Variants in SHROOM3 observed in about 807,000 individuals in gnomAD.
The protein encoded by SHROOM3 is protein Shroom3.
In SHROOM3, 47 loss-of-function variants were observed where a neutral mutation model predicts 138.6. The observed-to-expected ratio is 0.34, with a 90% CI of 0.27 to 0.43. The LOEUF is 0.43. SHROOM3 is among the 20% of genes least tolerant of loss of function. The pLI is 1.00. For missense variants in SHROOM3, 2,491 were observed against 2,596.5 expected (o/e 0.96, Z 0.88); for synonymous variants, 1,062 against 1,063.3 (o/e 1.00, Z 0.02).
intron 10 of SHROOM3, among the ~76,000 whole-genome samples, chr4:76,775,677 ATGTG>A (rs373446401): frequency 4.7e-4 from 70 of 148,750 alleles, no homozygotes; most frequent in South Asian, 8.6e-4. Context: ...AATAAAGAAA[ATGTG>A]TGTGTGTGTA....
intron 1 of SHROOM3, among the ~76,000 whole-genome samples, chr4:76,452,792 A>G (rs891997586): frequency 1.3e-5 from 2 of 152,182 alleles, no homozygotes; most frequent in African/African-American, 4.8e-5. Context: ...ATCTCAGCTC[A>G]CTGCAACCTC....
intron 2 of SHROOM3, among the ~76,000 whole-genome samples, chr4:76,670,539 T>C (rs1303625414): frequency 1.3e-5 from 2 of 152,198 alleles, no homozygotes; most frequent in African/African-American, 4.8e-5. Flanking sequence ...CTAAAAATCA[T>C]TGAATTGTAT....
rs1166645790 is a variant in SHROOM3 at position 76,739,302 on chromosome 4, C to T, written c.1129C>T (p.Pro377Ser). The change falls in exon 5 of 11, where the codon CCT becomes TCT. Residue 377 changes from proline (P) to serine (S), a missense_variant. Transcript: ENST00000296043. ...SSLETATDNL[P>S]PKVGAPLPPA... is the part of the protein sequence containing the mutation. The stretch of plus-strand genomic sequence containing the variant: ...CTTGGAGACTGCCACGGACAACCTT[C>T]CTCCTAAGGTGGGTGCACCCCTGCC... The T allele has an allele frequency of 6.2e-7, 1 of 1,614,014 alleles. No individual in the cohort carries two copies. The highest frequency in any genetic ancestry group is 1.1e-5 in the South Asian group (1 of 91,068).
At chr4:76,695,741 G>A (rs1027108999) in intron 2 of SHROOM3, among the ~76,000 whole-genome samples, 1 of 152,166 alleles carries the variant, frequency 6.6e-6, no homozygotes, top group Non-Finnish European at 1.5e-5. Flanking sequence ...AAAGTCCTGA[G>A]TGTCGTGGAA....
intron 1 of SHROOM3, among the ~76,000 whole-genome samples, chr4:76,528,431 G>A (rs981690399): frequency 4.1e-5 from 6 of 147,298 alleles, no homozygotes; most frequent in Non-Finnish European, 7.4e-5. Flanking sequence ...AAATCATCCT[G>A]CCTCAGCTTC....
At chr4:76,531,311 C>T (rs988600745) in intron 1 of SHROOM3, among the ~76,000 whole-genome samples, 15 of 152,244 alleles carry the variant, frequency 9.9e-5, no homozygotes, top group South Asian at 6.2e-4. Flanking sequence ...TGGAGCTGTG[C>T]GTGAGAATTT....
At chr4:76,730,779 G>A in intron 3 of SHROOM3, 25 bp from the exon 4 acceptor site, 1 of 1,613,586 alleles carries the variant, frequency 6.2e-7, no homozygotes, top group Non-Finnish European at 8.5e-7. Context: ...GCTAATGTTG[G>A]GGGGTCCCTC....
At position 76,775,941 on chromosome 4, in the gene SHROOM3, T is replaced by C. The variant is rs376282075; in HGVS notation, c.5623-2868T>C. 2.2e-4 allele frequency among the ~76,000 whole-genome samples: 34 copies of C among 151,938 alleles called. No homozygotes were observed. The East Asian group carries it at 6.2e-3, about 28-fold the overall frequency. ...CAAATTGTGCTGCTATAAACATGGG[T>C]GTGCAAGTTTCTTTTCCATATAATT... On this transcript the variant is annotated intron_variant, in intron 10 of 10. Transcript: ENST00000296043.
intron 2 of SHROOM3, among the ~76,000 whole-genome samples, chr4:76,629,137 C>T (rs560594334): frequency 1.2e-4 from 18 of 152,276 alleles, no homozygotes; most frequent in East Asian, 3.9e-4. Flanking sequence ...TGAACCACCA[C>T]GCCCAGCTGG....
In SHROOM3 at chr4:76,506,503, T is replaced by G. The variant is rs1189950261; in HGVS notation, c.169-49106T>G. 2.0e-5 allele frequency among the ~76,000 whole-genome samples: 3 copies of G among 152,302 alleles called. No individual in the cohort carries two copies. The East Asian group carries it at 5.8e-4, about 29-fold the overall frequency. ...TTTGGTGTCTGTGGATGAGGGGGCC[T>G]GGAACCAATCCCTCACAGATACTGC... On this transcript the variant is annotated intron_variant, in intron 1 of 10. Coordinates refer to ENST00000296043, the MANE Select transcript of SHROOM3 (RefSeq NM_020859.4).
chr4:76,511,020 A>C (rs1732323563), intron 1 of SHROOM3, among the ~76,000 whole-genome samples: 1 of 151,970 alleles, frequency 6.6e-6, no homozygotes, highest in Admixed American at 6.6e-5. Flanking sequence ...GCCTGTACTA[A>C]AAATACAAAA....
intron 2 of SHROOM3, among the ~76,000 whole-genome samples, chr4:76,683,494 C>G (rs1033929876): frequency 2.6e-5 from 4 of 151,596 alleles, no homozygotes; most frequent in Non-Finnish European, 5.9e-5. Context: ...TTCTCTTCCC[C>G]ATTCCTCCTC....
chr4:76,678,313 A>G (rs946449580), intron 2 of SHROOM3, among the ~76,000 whole-genome samples: 16 of 152,204 alleles, frequency 1.1e-4, no homozygotes, highest in African/African-American at 2.9e-4. Context: ...CCCCTTTTAG[A>G]AAATTTGTGG....
At chr4:76,644,029 A>C (rs1344630070) in intron 2 of SHROOM3, among the ~76,000 whole-genome samples, 1 of 151,980 alleles carries the variant, frequency 6.6e-6, no homozygotes, top group African/African-American at 2.4e-5. Context: ...TTTTTAGTAG[A>C]GACAGGGTTT....
intron 2 of SHROOM3, among the ~76,000 whole-genome samples, chr4:76,627,964 C>T (rs1023008410): frequency 7.2e-5 from 11 of 152,210 alleles, no homozygotes; most frequent in African/African-American, 2.7e-4. Context: ...GCAACCTCCC[C>T]TTCGATGAGA....
intron 2 of SHROOM3, among the ~76,000 whole-genome samples, chr4:76,682,978 T>A (rs1396524914): frequency 6.6e-6 from 1 of 152,216 alleles, no homozygotes; most frequent in Non-Finnish European, 1.5e-5. Context: ...GACAGTACCA[T>A]CCAAGATGCT....
At chr4:76,589,292 ACCCTGTCT>A (rs1409970370) in intron 2 of SHROOM3, among the ~76,000 whole-genome samples, 1 of 152,116 alleles carries the variant, frequency 6.6e-6, no homozygotes, top group Admixed American at 6.5e-5. Flanking sequence ...ACATGGAGAA[ACCCTGTCT>A]CTACTAAAAA....
At chr4:76,722,623 A>G (rs973591358) in intron 3 of SHROOM3, among the ~76,000 whole-genome samples, 3 of 152,146 alleles carry the variant, frequency 2.0e-5, no homozygotes, top group Non-Finnish European at 4.4e-5. Flanking sequence ...AAGCTTACCT[A>G]TATAACAAAC....
intron 1 of SHROOM3, among the ~76,000 whole-genome samples, chr4:76,500,478 A>G (rs1170427227): frequency 2.6e-5 from 4 of 152,110 alleles, no homozygotes; most frequent in Non-Finnish European, 5.9e-5. Flanking sequence ...CTCAGTGAAG[A>G]TCGGAATTTG....
Sources: allele counts gnomAD v4.1 joint callset (sites outside exome capture counted in the v4.1 genomes callset), GRCh38; gene constraint gnomAD v4.1.1; transcripts MANE v1.5; gene names NCBI Gene and HGNC (gene_info 2026-07-23, HGNC 2026-07-21).